Variants in MAP3K9 observed in about 807,000 individuals in gnomAD.
MAP3K9 encodes the protein mixed lineage kinase 1 (tyr and ser/thr specificity).
A neutral mutation model predicts 95.8 loss-of-function variants in MAP3K9; 46 were observed. The ratio of observed to expected loss-of-function variants is 0.48; its 90% CI spans 0.38 to 0.61. The LOEUF (loss-of-function observed/expected upper bound fraction) is 0.61. Ranked by LOEUF, MAP3K9 falls within the 20% of genes least tolerant of loss-of-function variation. MAP3K9 has a pLI of 0.00. For synonymous variants in MAP3K9, 533 were observed against 593.8 expected (o/e 0.90, Z 1.49); for missense variants, 1,296 against 1,474.3 (o/e 0.88, Z 1.98).
intron 2 of MAP3K9, among the ~76,000 whole-genome samples, chr14:70,772,382 A>G (rs1208216022): frequency 1.3e-5 from 2 of 149,734 alleles, no homozygotes; most frequent in African/African-American, 4.9e-5. Flanking sequence ...CACCCCTCAT[A>G]GAGAGAGAGA....
intron 2 of MAP3K9, among the ~76,000 whole-genome samples, chr14:70,778,635 AG>A (rs1446842327): frequency 1.3e-5 from 2 of 152,232 alleles, no homozygotes; most frequent in African/African-American, 4.8e-5. Flanking sequence ...CATCATTGCT[AG>A]CATTTACTGA....
In MAP3K9 at chr14:70,808,805, G is replaced by C. The variant is rs766994142; in HGVS notation, c.367C>G (p.Pro123Ala). ...PRSAFSSRCQ[P>A]GGEDPSCYPP... ...TAGCAACTGGGGTCCTCGCCGCCGG[G>C]CTGGCAGCGGCTGGAGAAGGCGCTG... The change falls in exon 1 of 12, where the codon CCC (proline) becomes GCC (alanine). Residue 123 changes from proline (P) to alanine (A), a missense_variant. Pro to Ala is a conservative substitution (Grantham distance 27). Around this residue, in one of 5 missense-constraint regions of MAP3K9, gnomAD observed 338 missense variants for 363.4 expected, o/e 0.93. Transcript: ENST00000554752. 1.9e-6 allele frequency: 3 copies of C among 1,592,620 alleles called. No individual in the cohort carries two copies. Among genetic ancestry groups the C allele is most frequent in the Non-Finnish European group, 2.6e-6 (3 of 1,172,616 alleles).
rs758038259 is a variant in MAP3K9, at chr14:70,748,957, G to C, written c.1198C>G (p.Leu400Val). 2 of 1,614,034 alleles carry C rather than the reference G, an allele frequency of 1.2e-6. No homozygotes were observed. The highest frequency in any genetic ancestry group is 1.7e-6 in the Non-Finnish European group (2 of 1,179,962). Residue 400 changes from leucine to valine, a missense_variant, in exon 5 of 12, where the codon CTG (leucine) becomes GTG (valine). This residue lies in a region of MAP3K9 where 136 missense variants were observed against 221.5 expected (regional missense o/e 0.61). Transcript: ENST00000554752. Reference protein sequence around the residue: ...PHSRPSFTNILDQLTTIEESG... With the variant: ...PHSRPSFTNIVDQLTTIEESG... ...TCCTCTATGGTGGTTAGCTGGTCCAGGATATTCGTGAAAGATGGTCGTGAG... is the reference window on the plus strand; with the variant it reads ...TCCTCTATGGTGGTTAGCTGGTCCACGATATTCGTGAAAGATGGTCGTGAG...
intron 4 of MAP3K9, 130 bp from the exon 5 acceptor site, chr14:70,749,134 T>C (rs1461931677): frequency 4.7e-6 from 4 of 848,966 alleles, no homozygotes; most frequent in African/African-American, 3.4e-5. Context: ...GATCAGAATT[T>C]AGGTAACCTC....
intron 3 of MAP3K9, among the ~76,000 whole-genome samples, chr14:70,751,168 A>G (rs2054222324): frequency 6.6e-6 from 1 of 152,206 alleles, no homozygotes; most frequent in African/African-American, 2.4e-5. Context: ...AAGTCCACAT[A>G]AAGAATTTCT....
At chr14:70,779,460 G>A (rs959756334) in intron 2 of MAP3K9, among the ~76,000 whole-genome samples, 15 of 152,148 alleles carry the variant, frequency 9.9e-5, no homozygotes, top group African/African-American at 1.9e-4. Flanking sequence ...TCACATACAC[G>A]GAGAAAGAGT....
chr14:70,787,280 G>A (rs1173490668), intron 2 of MAP3K9, among the ~76,000 whole-genome samples: 3 of 152,042 alleles, frequency 2.0e-5, no homozygotes, highest in South Asian at 2.1e-4. Context: ...AGGCCAAGAC[G>A]GGCGGATCAC....
intron 2 of MAP3K9, among the ~76,000 whole-genome samples, chr14:70,763,238 C>T (rs1038967266): frequency 3.3e-5 from 5 of 152,180 alleles, no homozygotes; most frequent in African/African-American, 4.8e-5. Flanking sequence ...CCTCTCCTGT[C>T]GAGCAATGGC....
Position 70,776,900 on chromosome 14 carries a change from C to A in MAP3K9, c.821-15718G>T, listed in dbSNP as rs112601472. On this transcript the variant is annotated intron_variant, in intron 2 of 11. Coordinates refer to ENST00000554752, the MANE Select transcript of MAP3K9 (RefSeq NM_001284230.2). ...AGGTTTGAGTGCAATGGCTTGATGT[C>A]AGCTCATTGCAACCTCTGCCTCCCA... 8.5e-3 allele frequency among the ~76,000 whole-genome samples: 1,282 copies of A among 150,788 alleles called. 26 individuals carry two copies. Among genetic ancestry groups the A allele is most frequent in the African/African-American group, 0.029 (1,197 of 40,954 alleles).
chr14:70,761,529 G>A (rs2054374947), intron 2 of MAP3K9, among the ~76,000 whole-genome samples: 1 of 152,172 alleles, frequency 6.6e-6, no homozygotes, highest in African/African-American at 2.4e-5. Context: ...TGGGGAGGCC[G>A]AGACGGGTGG....
At chr14:70,737,405 C>A (rs2054000136) in intron 8 of MAP3K9, among the ~76,000 whole-genome samples, 1 of 152,174 alleles carries the variant, frequency 6.6e-6, no homozygotes, top group African/African-American at 2.4e-5. Context: ...CATGCCCAGG[C>A]AGTTTGGTGC....
At chr14:70,739,450 A>G (rs1366580279) in intron 7 of MAP3K9, among the ~76,000 whole-genome samples, 1 of 152,162 alleles carries the variant, frequency 6.6e-6, no homozygotes, top group East Asian at 1.9e-4. Context: ...ATTTTTAAAT[A>G]AAATCTGTCT....
intron 2 of MAP3K9, among the ~76,000 whole-genome samples, chr14:70,794,126 C>A (rs1041728266): frequency 6.6e-6 from 1 of 152,102 alleles, no homozygotes; most frequent in Non-Finnish European, 1.5e-5. Flanking sequence ...GGCGAGGGCA[C>A]CCCTGCCAGC....
intron 6 of MAP3K9, 45 bp from the exon 7 acceptor site, chr14:70,740,209 T>C (rs1381559689): frequency 6.3e-7 from 1 of 1,579,858 alleles, no homozygotes; most frequent in Admixed American, 1.7e-5. Flanking sequence ...ACATTTCCCA[T>C]AATTAAATTC....
chr14:70,765,590 T>C lies in MAP3K9; in HGVS notation c.821-4408A>G, dbSNP rs140557477. On this transcript the variant is annotated intron_variant, in intron 2 of 11. Coordinates refer to ENST00000554752, the MANE Select transcript of MAP3K9 (RefSeq NM_001284230.2). ...ACAAAGTCTTAGCACTGCATTACAATTGTCTACAATATTCAGTACAGTAAC... is the reference window on the plus strand; with the variant it reads ...ACAAAGTCTTAGCACTGCATTACAACTGTCTACAATATTCAGTACAGTAAC... 11 of 515,202 alleles carry C rather than the reference T, an allele frequency of 2.1e-5. No homozygotes were observed. In the East Asian group the frequency reaches 3.2e-4, roughly 15 times the overall value. The allele number at this position is 515,202 out of a possible 1,614,324, so 31.9% of individuals were successfully genotyped here.
At chr14:70,752,591 G>C (rs995019611) in intron 3 of MAP3K9, among the ~76,000 whole-genome samples, 4 of 152,260 alleles carry the variant, frequency 2.6e-5, no homozygotes, top group African/African-American at 9.6e-5. Flanking sequence ...CAGATTCCTA[G>C]GTCAAAGCCA....
At chr14:70,779,376 A>G (rs1211461604) in intron 2 of MAP3K9, among the ~76,000 whole-genome samples, 1 of 152,244 alleles carries the variant, frequency 6.6e-6, no homozygotes, top group African/African-American at 2.4e-5. Flanking sequence ...ACAATTGTCC[A>G]GGGGACAATG....
chr14:70,722,672 G>C lies in MAP3K9; in HGVS notation c.*7708C>G, dbSNP rs1160329583. The C allele has an allele frequency of 1.4e-5, 2 of 139,616 alleles. No homozygotes were observed. Among genetic ancestry groups the C allele is most frequent in the Non-Finnish European group, 3.1e-5 (2 of 64,882 alleles). The allele number at this position is 139,616 out of a possible 1,614,324, so 8.6% of individuals were successfully genotyped here. ...CCTAGTTAACAATTTACAGTACCTC[G>C]AAAGAAAAAAAAAAAAAAGCCAAAG... On this transcript the variant is annotated 3_prime_UTR_variant, in exon 12 of 12. Coordinates refer to ENST00000554752, the MANE Select transcript of MAP3K9 (RefSeq NM_001284230.2).
chr14:70,778,255 C>T (rs2054625795), intron 2 of MAP3K9, among the ~76,000 whole-genome samples: 1 of 150,020 alleles, frequency 6.7e-6, no homozygotes, highest in Admixed American at 6.7e-5. Context: ...CAACCACAGG[C>T]ACACATCACC....
Sources: allele counts gnomAD v4.1 joint callset (sites outside exome capture counted in the v4.1 genomes callset), GRCh38; gene constraint gnomAD v4.1.1; regional missense constraint gnomAD v4.1.1; transcripts MANE v1.5; gene names NCBI Gene and HGNC (gene_info 2026-07-23, HGNC 2026-07-21).